Variants in WWP2 observed in about 807,000 individuals in gnomAD.
WWP2 encodes the protein NEDD4-like E3 ubiquitin-protein ligase WWP2.
In WWP2, 57 loss-of-function variants were observed where a neutral mutation model predicts 121.0. The observed-to-expected ratio is 0.47, with a 90% CI of 0.38 to 0.59. The LOEUF (loss-of-function observed/expected upper bound fraction) is 0.59. Among genes scored for constraint, WWP2 ranks in the 20% least tolerant of loss-of-function variants. The probability of loss-of-function intolerance (pLI) is 0.00; values close to 1 mark genes in which losing one functional copy is unlikely to be tolerated. For missense variants in WWP2, 962 were observed against 1,158.9 expected (o/e 0.83, Z 2.47); for synonymous variants, 449 against 441.3 (o/e 1.02, Z -0.22).
rs779206433 is a variant in WWP2 at position 69,939,801 on chromosome 16, C to T, written c.2514-40C>T. The T allele has an allele frequency of 1.9e-6, 3 of 1,564,756 alleles. No homozygotes were observed. In the African/African-American group the frequency reaches 4.1e-5, roughly 21 times the overall value. Reference sequence around the variant, plus strand: ...CATGGTGGGGCTATCAGAGCCCTGGCCTCCTAGGGCTGACTGTCGTGCTTC... The same window carrying T: ...CATGGTGGGGCTATCAGAGCCCTGGTCTCCTAGGGCTGACTGTCGTGCTTC... On this transcript the variant is annotated intron_variant, in intron 23 of 23. Transcript: ENST00000359154.
At chr16:69,837,977 C>T (rs1404078299) in intron 4 of WWP2, among the ~76,000 whole-genome samples, 2 of 152,116 alleles carry the variant, frequency 1.3e-5, no homozygotes, top group African/African-American at 2.4e-5. Flanking sequence ...AATCCCAGCA[C>T]TTTGGGAGGC....
rs980526891 is a variant in WWP2 at position 69,857,247 on chromosome 16, C to T, written c.576-14557C>T. On this transcript the variant is annotated intron_variant, in intron 6 of 23. Transcript: ENST00000359154. ...GCCTCCCGAGTAGCTGGGCGCGCTCCACCACGCTCAGCTAGTTTTTGTATT... is the reference window on the plus strand; with the variant it reads ...GCCTCCCGAGTAGCTGGGCGCGCTCTACCACGCTCAGCTAGTTTTTGTATT... Among the ~76,000 whole-genome samples, 3 of 152,156 alleles carry T rather than the reference C, an allele frequency of 2.0e-5. No homozygotes were observed. The East Asian group carries it at 5.8e-4, about 29-fold the overall frequency.
rs747326043 is a variant in WWP2, at chr16:69,925,579, C to T, written c.1234+95C>T. On this transcript the variant is annotated intron_variant, in intron 11 of 23. Coordinates refer to ENST00000359154, the MANE Select transcript of WWP2 (RefSeq NM_001270454.2). This position sits in a 1 kb window ranked among gnomAD's most constrained non-coding sequence, Gnocchi z 4.0. ...GTGTCTTCCTTCCCTGTTCCTGTCCCTCTGTTTTCCATCTCTCCCCTCTCC... is the reference window on the plus strand; with the variant it reads ...GTGTCTTCCTTCCCTGTTCCTGTCCTTCTGTTTTCCATCTCTCCCCTCTCC... 38 of 1,476,408 alleles carry T rather than the reference C, an allele frequency of 2.6e-5. No homozygotes were observed. The highest frequency in any genetic ancestry group is 3.5e-5 in the Non-Finnish European group (38 of 1,087,284). 91.5% of individuals were successfully genotyped at this position (1,476,408 alleles called of 1,614,324 possible).
At chr16:69,867,591 C>T (rs1488666751) in intron 6 of WWP2, among the ~76,000 whole-genome samples, 1 of 152,172 alleles carries the variant, frequency 6.6e-6, no homozygotes, top group Non-Finnish European at 1.5e-5. Context: ...GTCCTGGGGA[C>T]CTCATCTGTG....
intron 4 of WWP2, among the ~76,000 whole-genome samples, chr16:69,809,810 TAGGA>T (rs1016678670): frequency 5.5e-4 from 71 of 128,092 alleles, no homozygotes; most frequent in Admixed American, 3.2e-3. Flanking sequence ...GAGAGAGAGA[TAGGA>T]AGGAAGGAAG....
chr16:69,874,403 T>A (rs2151920189), intron 7 of WWP2, among the ~76,000 whole-genome samples: 1 of 152,314 alleles, frequency 6.6e-6, no homozygotes, highest in South Asian at 2.1e-4. Flanking sequence ...TGGGGAGCTC[T>A]GCCTCCTGGA....
intron 8 of WWP2, among the ~76,000 whole-genome samples, chr16:69,889,852 A>G (rs1039267012): frequency 6.6e-6 from 1 of 152,198 alleles, no homozygotes; most frequent in African/African-American, 2.4e-5. Flanking sequence ...TCATAAAGGA[A>G]AAAAGAAGGG....
chr16:69,832,225 A>G (rs532812177), intron 4 of WWP2, among the ~76,000 whole-genome samples: 2 of 152,328 alleles, frequency 1.3e-5, no homozygotes, highest in East Asian at 1.9e-4. Context: ...AAACATACAC[A>G]GAGGTGGAAA....
At chr16:69,819,830 C>G (rs2056560762) in intron 4 of WWP2, among the ~76,000 whole-genome samples, 1 of 152,182 alleles carries the variant, frequency 6.6e-6, no homozygotes, top group South Asian at 2.1e-4. Context: ...TCAATCGCCC[C>G]AGTGAGATCC....
chr16:69,814,204 A>G lies in WWP2; in HGVS notation c.340+14909A>G, dbSNP rs118118900. Among the ~76,000 whole-genome samples the G allele has an allele frequency of 1.2e-3, 188 of 152,278 alleles. 4 individuals are homozygous for G. The East Asian group carries it at 0.03, about 24-fold the overall frequency. On this transcript the variant is annotated intron_variant, in intron 4 of 23. Coordinates refer to ENST00000359154, the MANE Select transcript of WWP2 (RefSeq NM_001270454.2). ...TTGACAAGGTCTTGCTCTGTCGTCT[A>G]GGCTGCAGTGCAGTGGTGTGATCAT...
chr16:69,873,064 G>A (rs954186705), intron 7 of WWP2, among the ~76,000 whole-genome samples: 76 of 152,346 alleles, frequency 5.0e-4, no homozygotes, highest in Non-Finnish European at 8.7e-4. Flanking sequence ...GAATGCAGGT[G>A]TTGAAATTTG....
Position 69,820,523 on chromosome 16 carries a change from C to T in WWP2, c.341-19603C>T, listed in dbSNP as rs1410556671. Among the ~76,000 whole-genome samples the T allele has an allele frequency of 2.3e-5, 3 of 128,596 alleles. 1 individual carries two copies. The highest frequency in any genetic ancestry group is 3.6e-5 in the Non-Finnish European group (2 of 55,974). The allele number at this position is 128,596 out of a possible 152,430, so 84.4% of individuals were successfully genotyped here. Reference sequence around the variant, plus strand: ...CCTCCCAAAGTGTTGGGATTACAGGCGTGAGCCACCGCTCTTGGCCCCCTG... The same window carrying T: ...CCTCCCAAAGTGTTGGGATTACAGGTGTGAGCCACCGCTCTTGGCCCCCTG... On this transcript the variant is annotated intron_variant, in intron 4 of 23. Transcript: ENST00000359154.
intron 4 of WWP2, among the ~76,000 whole-genome samples, chr16:69,830,073 G>C (rs1461663491): frequency 6.6e-6 from 1 of 151,922 alleles, no homozygotes; most frequent in Non-Finnish European, 1.5e-5. Flanking sequence ...TCCTGCCTCA[G>C]CCACCCAAGT....
rs778264942 is a variant in WWP2, at chr16:69,781,450, A to T, written c.-15-5546A>T. On this transcript the variant is annotated intron_variant, in intron 1 of 23. Coordinates refer to ENST00000359154, the MANE Select transcript of WWP2 (RefSeq NM_001270454.2). The stretch of plus-strand genomic sequence containing the variant: ...AGCCTTGACCTCCTGGGCTCAAGGG[A>T]TCCTCCCAACTCTGTGGTCCTGATT... Among the ~76,000 whole-genome samples the T allele has an allele frequency of 6.6e-5, 10 of 152,152 alleles. No individual in the cohort carries two copies. The South Asian group carries it at 2.1e-3, about 32-fold the overall frequency.
At chr16:69,938,846 A>G (rs2058837358) in intron 21 of WWP2, among the ~76,000 whole-genome samples, 181 bp from the exon 22 acceptor site, 1 of 152,250 alleles carries the variant, frequency 6.6e-6, no homozygotes, top group South Asian at 2.1e-4. Flanking sequence ...TCATGCACAC[A>G]CAGCCTCTTA....
intron 2 of WWP2, among the ~76,000 whole-genome samples, chr16:69,789,843 CA>C (rs1265832758): frequency 6.6e-6 from 1 of 152,160 alleles, no homozygotes; most frequent in African/African-American, 2.4e-5. Flanking sequence ...GCATGAGGGT[CA>C]GGGGTGCTGA....
intron 15 of WWP2, 59 bp downstream of exon 15, chr16:69,931,639 C>T (rs2058715276): frequency 5.0e-6 from 8 of 1,606,850 alleles, no homozygotes; most frequent in East Asian, 2.2e-5. Flanking sequence ...AGCACCCCAT[C>T]TCCTATCGCG....
chr16:69,939,990 T>C lies in WWP2; in HGVS notation c.*50T>C, dbSNP rs1300466695. ...CCAGCGCACATGTAGTCCTGAGTCC[T>C]CCCTGCCTGAGAGGCCACTGGCCCC... On this transcript the variant is annotated 3_prime_UTR_variant, in exon 24 of 24. Coordinates refer to ENST00000359154, the MANE Select transcript of WWP2 (RefSeq NM_001270454.2). The C allele has an allele frequency of 6.6e-7, 1 of 1,517,306 alleles. No homozygotes were observed. Among genetic ancestry groups the C allele is most frequent in the African/African-American group, 1.4e-5 (1 of 72,992 alleles). 94.0% of individuals were successfully genotyped at this position (1,517,306 alleles called of 1,614,324 possible).
chr16:69,774,416 A>T (rs1420762097), intron 1 of WWP2, among the ~76,000 whole-genome samples: 1 of 151,992 alleles, frequency 6.6e-6, no homozygotes, highest in South Asian at 2.1e-4. Context: ...ATGTGCCACC[A>T]TGGCTAATTT....
Sources: allele counts gnomAD v4.1 joint callset (sites outside exome capture counted in the v4.1 genomes callset), GRCh38; gene constraint gnomAD v4.1.1; non-coding constraint Gnocchi (gnomAD v3.1); transcripts MANE v1.5; gene names NCBI Gene and HGNC (gene_info 2026-07-23, HGNC 2026-07-21).